KIAA0825: variants seen among roughly 807,000 people sequenced by gnomAD.
KIAA0825 encodes the protein KIAA0825, also known as uncharacterized protein KIAA0825.
Under a neutral mutation model 147.6 loss-of-function variants are expected in KIAA0825, and 119 were observed. The ratio of observed to expected loss-of-function variants is 0.81; its 90% confidence interval spans 0.69 to 0.94. KIAA0825 has a LOEUF of 0.94. Among genes scored for constraint, KIAA0825 ranks in the 40% least tolerant of loss-of-function variants. The pLI is 0.00. For missense variants in KIAA0825, 1,381 were observed against 1,472.7 expected, an observed-to-expected ratio of 0.94 and a Z score of 1.02; for synonymous variants, 470 against 518.1, an observed-to-expected ratio of 0.91 and a Z score of 1.26.
chr5:94,584,444 T>C (rs1782862099), intron 1 of KIAA0825, among the ~76,000 whole-genome samples: 1 of 152,110 alleles, frequency 6.6e-6, no homozygotes. Context: ...ATATCAGTGA[T>C]TGAAGACCAA....
intron 13 of KIAA0825, among the ~76,000 whole-genome samples, chr5:94,440,497 T>A (rs1347669948): frequency 6.6e-6 from 1 of 152,212 alleles, no homozygotes; most frequent in East Asian, 1.9e-4. Context: ...TTAACTCCTT[T>A]CCTTATTGAT....
intron 20 of KIAA0825, among the ~76,000 whole-genome samples, chr5:94,181,313 A>G (rs1005276511): frequency 3.3e-5 from 5 of 152,238 alleles, no homozygotes; most frequent in African/African-American, 1.2e-4. Context: ...GAGATTTGGT[A>G]TTCCTCTACA....
intron 20 of KIAA0825, among the ~76,000 whole-genome samples, chr5:94,335,670 A>G (rs1781721171): frequency 6.6e-6 from 1 of 152,104 alleles, no homozygotes; most frequent in Non-Finnish European, 1.5e-5. Flanking sequence ...ATAATATGAA[A>G]TAATAATTGA....
At chr5:94,533,620 T>C (rs1771372789) in intron 3 of KIAA0825, among the ~76,000 whole-genome samples, 1 of 152,200 alleles carries the variant, frequency 6.6e-6, no homozygotes. Flanking sequence ...TGTACCTCAG[T>C]ATCTTGTTAA....
At chr5:94,167,332 ATAGAGTTG>A (rs1301352208) in intron 20 of KIAA0825, among the ~76,000 whole-genome samples, 8 of 152,202 alleles carry the variant, frequency 5.3e-5, no homozygotes, top group Admixed American at 3.3e-4. Context: ...CTTCTCAAAA[ATAGAGTTG>A]TTTAAAATTT....
At chr5:94,395,702 C>T (rs761849787) in intron 17 of KIAA0825, among the ~76,000 whole-genome samples, 1 of 152,018 alleles carries the variant, frequency 6.6e-6, no homozygotes, top group Non-Finnish European at 1.5e-5. Context: ...AATAAAAAGC[C>T]TTTTATATCC....
chr5:94,230,437 A>C (rs1774592306), intron 20 of KIAA0825, among the ~76,000 whole-genome samples: 1 of 152,086 alleles, frequency 6.6e-6, no homozygotes, highest in Admixed American at 6.6e-5. Context: ...GTCTTTCTGG[A>C]ATTCTGTTGG....
intron 2 of KIAA0825, among the ~76,000 whole-genome samples, chr5:94,547,766 T>C (rs977315658): frequency 7.6e-6 from 1 of 131,822 alleles, no homozygotes. Context: ...AAAGCAGCAA[T>C]AGAAAATAAA....
intron 2 of KIAA0825, among the ~76,000 whole-genome samples, chr5:94,557,381 C>T (rs72771696): frequency 0.034 from 5,095 of 151,564 alleles, 134 homozygotes; most frequent in Non-Finnish European, 0.049. Flanking sequence ...GGCTTATGGA[C>T]GTGAGCCACC....
At chr5:94,344,090 A>G (rs1782724298) in intron 20 of KIAA0825, among the ~76,000 whole-genome samples, 1 of 152,220 alleles carries the variant, frequency 6.6e-6, no homozygotes, top group Non-Finnish European at 1.5e-5. Context: ...TGTGATCCAG[A>G]AATTCTACTT....
intron 16 of KIAA0825, 21 bp from the exon 17 acceptor site, chr5:94,396,530 T>G: frequency 6.8e-7 from 1 of 1,461,472 alleles, no homozygotes; most frequent in Middle Eastern, 1.8e-4. Flanking sequence ...AAAGAAAAGG[T>G]ATGATTAATA....
At chr5:94,449,536 T>C (rs920742315) in intron 13 of KIAA0825, among the ~76,000 whole-genome samples, 6 of 152,068 alleles carry the variant, frequency 3.9e-5, no homozygotes, top group African/African-American at 1.4e-4. Flanking sequence ...ACACTGTTAC[T>C]CCTAATAGAA....
At chr5:94,355,157 A>G (rs1209367893) in intron 20 of KIAA0825, among the ~76,000 whole-genome samples, 1 of 152,234 alleles carries the variant, frequency 6.6e-6, no homozygotes, top group African/African-American at 2.4e-5. Flanking sequence ...GTGGAGGCCA[A>G]GGTTCTTTTG....
intron 1 of KIAA0825, among the ~76,000 whole-genome samples, chr5:94,599,071 T>C (rs1258567115): frequency 6.6e-6 from 1 of 152,164 alleles, no homozygotes; most frequent in Non-Finnish European, 1.5e-5. Flanking sequence ...CTATCATGAT[T>C]GTACTAACTT....
chr5:94,412,592 G>A (rs1652588917), intron 15 of KIAA0825, among the ~76,000 whole-genome samples: 1 of 151,844 alleles, frequency 6.6e-6, no homozygotes, highest in African/African-American at 2.4e-5. Context: ...GTAGAGACGG[G>A]GTTTCACCAT....
At position 94,520,334 on chromosome 5, in the gene KIAA0825, CA is replaced by C; in HGVS notation, c.883del (p.Cys295ValfsTer45). ...AGCATTTTCTCTGAACTGCAGCTCA[CA>C]AAAATTTTCAAGAAATTTTGCCATT... ...EEMAKFLENF[C>X]ELQFRENAVR... On this transcript the variant is annotated frameshift_variant, in exon 5 of 21. Coordinates refer to ENST00000682413, the MANE Select transcript of KIAA0825 (RefSeq NM_001145678.3). LOFTEE classifies it high-confidence loss of function. 6.2e-7 allele frequency: 1 copy of C among 1,613,502 alleles called. No individual in the cohort carries two copies. The highest frequency in any genetic ancestry group is 8.5e-7 in the Non-Finnish European group (1 of 1,179,544).
intron 20 of KIAA0825, among the ~76,000 whole-genome samples, chr5:94,356,757 C>G (rs1488407853): frequency 3.0e-5 from 3 of 100,394 alleles, no homozygotes; most frequent in Non-Finnish European, 5.6e-5. Flanking sequence ...CGGAGTCTCG[C>G]TCTGTCGCCC....
chr5:94,262,017 A>G (rs1776519753), intron 20 of KIAA0825, among the ~76,000 whole-genome samples: 1 of 152,172 alleles, frequency 6.6e-6, no homozygotes, highest in Non-Finnish European at 1.5e-5. Flanking sequence ...AAATCTCAGA[A>G]GAAAATACCC....
chr5:94,554,045 C>T (rs1776067863), intron 2 of KIAA0825, among the ~76,000 whole-genome samples: 1 of 152,194 alleles, frequency 6.6e-6, no homozygotes, highest in East Asian at 1.9e-4. Context: ...GTAGAATCTA[C>T]AGCTTAGCAA....
Sources: gnomAD v4.1 joint callset for allele counts (sites outside exome capture counted in the v4.1 genomes callset) on GRCh38, gnomAD v4.1.1 for gene constraint, MANE v1.5 for transcripts, NCBI Gene and HGNC (gene_info 2026-07-23, HGNC 2026-07-21) for gene names.